The following GSE1 variants were observed in gnomAD, a reference collection of about 807,000 sequenced individuals.
GSE1 encodes the protein Gse1 coiled-coil protein, also known as genetic suppressor element 1.
Under a neutral mutation model 112.6 loss-of-function variants are expected in GSE1, and 32 were observed. The ratio of observed to expected loss-of-function variants is 0.28; its 90% CI spans 0.21 to 0.38. The LOEUF (loss-of-function observed/expected upper bound fraction) is 0.38. Ranked by LOEUF, GSE1 falls within the 10% of genes least tolerant of loss-of-function variation. The probability of loss-of-function intolerance (pLI) is 1.00; values close to 1 mark genes in which losing one functional copy is unlikely to be tolerated. For synonymous variants in GSE1, 1,115 were observed against 735.6 expected (o/e 1.52, Z -8.35); for missense variants, 2,348 against 1,699.2 (o/e 1.38, Z -6.71).
At chr16:85,205,120 T>C (rs1021382241) in intron 1 of GSE1, among the ~76,000 whole-genome samples, 2 of 152,076 alleles carry the variant, frequency 1.3e-5, no homozygotes, top group East Asian at 3.9e-4. Flanking sequence ...CTTTAATTTT[T>C]ATTTATTTAT....
intron 1 of GSE1, among the ~76,000 whole-genome samples, chr16:85,565,450 T>C (rs972626361): frequency 2.0e-5 from 3 of 151,458 alleles, no homozygotes; most frequent in South Asian, 2.1e-4. Flanking sequence ...TGTGCTTGTT[T>C]AACACGTGTA....
chr16:85,520,354 A>G (rs1377038995), intron 2 of GSE1, among the ~76,000 whole-genome samples: 1 of 151,656 alleles, frequency 6.6e-6, no homozygotes. Context: ...GCGGGGACAC[A>G]AACATTTGGA....
At chr16:85,443,279 C>T (rs2049425775) in intron 2 of GSE1, among the ~76,000 whole-genome samples, 1 of 152,196 alleles carries the variant, frequency 6.6e-6, no homozygotes, top group Non-Finnish European at 1.5e-5. Context: ...CCACCCTCTC[C>T]AGGCCCATCT....
intron 1 of GSE1, among the ~76,000 whole-genome samples, chr16:85,602,020 C>T (rs960978038): frequency 6.6e-6 from 1 of 151,872 alleles, no homozygotes; most frequent in Non-Finnish European, 1.5e-5. Flanking sequence ...AGAAGACGGG[C>T]CTGGAGGAAG....
In GSE1 at chr16:85,618,152, C is replaced by T. The variant is rs540079325; in HGVS notation, c.7+4754C>T. ...CGGTTCCTCCAGCTGGAGGACTTGA[C>T]GTGTCTGAGGAGGTGTGTGTAATAG... On this transcript the variant is annotated intron_variant, in intron 1 of 15. Coordinates refer to ENST00000253458, the MANE Select transcript of GSE1 (RefSeq NM_014615.5). 1.7e-4 allele frequency among the ~76,000 whole-genome samples: 26 copies of T among 152,186 alleles called. No homozygotes were observed. The South Asian group carries it at 2.3e-3, about 13-fold the overall frequency.
chr16:85,415,899 T>C (rs1405402327), intron 2 of GSE1, among the ~76,000 whole-genome samples: 1 of 152,206 alleles, frequency 6.6e-6, no homozygotes, highest in Non-Finnish European at 1.5e-5. Context: ...TATCACTTCA[T>C]TGAACTTGTG....
At chr16:85,619,166 G>A (rs538550738) in intron 1 of GSE1, among the ~76,000 whole-genome samples, 35 of 152,090 alleles carry the variant, frequency 2.3e-4, no homozygotes, top group African/African-American at 8.0e-4. Flanking sequence ...ACGTCCCCTC[G>A]GGCTCACATG....
At chr16:85,670,899 T>A in intron 14 of GSE1, 96 bp from the exon 15 acceptor site, 1 of 756,124 alleles carries the variant, frequency 1.3e-6, no homozygotes, top group Non-Finnish European at 2.4e-6. Flanking sequence ...GAGAGAGGTT[T>A]TGGGCTCTGC....
intron 2 of GSE1, among the ~76,000 whole-genome samples, chr16:85,409,626 C>T (rs368712340): frequency 5.9e-4 from 5 of 8,452 alleles, no homozygotes; most frequent in Admixed American, 1.9e-3. Context: ...TAATCCTCAC[C>T]GTTACACTCA....
intron 1 of GSE1, among the ~76,000 whole-genome samples, chr16:85,303,966 G>A (rs1043048779): frequency 6.6e-6 from 1 of 152,212 alleles, no homozygotes; most frequent in East Asian, 1.9e-4. Flanking sequence ...CGAAGACAGC[G>A]GAGACAATGA....
chr16:85,411,480 TG>T (rs1475854379), intron 2 of GSE1, among the ~76,000 whole-genome samples: 1 of 12,114 alleles, frequency 8.3e-5, no homozygotes, highest in Admixed American at 8.3e-4. Flanking sequence ...AGGGCCCCCC[TG>T]GATAATCCTC....
chr16:85,552,365 C>G (rs1266635393), upstream of GSE1, among the ~76,000 whole-genome samples: 3 of 82,566 alleles, frequency 3.6e-5, no homozygotes, highest in Admixed American at 1.5e-4. Context: ...CGGAGTCTCG[C>G]TCTGTGCCCA....
At chr16:85,288,165 G>T (rs926786372) in intron 1 of GSE1, among the ~76,000 whole-genome samples, 3 of 152,104 alleles carry the variant, frequency 2.0e-5, no homozygotes, top group African/African-American at 7.2e-5. Flanking sequence ...GTTTGACCCC[G>T]GGAGGCGGAG....
rs546812855 is a variant in GSE1, at chr16:85,663,748, G to A, written c.2644+134G>A. 3.1e-4 allele frequency: 275 copies of A among 873,816 alleles called. No individual in the cohort carries two copies. The South Asian group carries it at 3.9e-3, about 12-fold the overall frequency. 54.1% of individuals were successfully genotyped at this position (873,816 alleles called of 1,614,324 possible). On this transcript the variant is annotated intron_variant, in intron 11 of 15. Transcript: ENST00000253458. ...CTGAGGCTGCCCCTTTACTCCTCCC[G>A]GCTCCCGGGAACAGCCTCTCTGTTC...
chr16:85,426,586 GTGAA>G (rs978689917), intron 2 of GSE1, among the ~76,000 whole-genome samples: 4 of 149,456 alleles, frequency 2.7e-5, no homozygotes, highest in African/African-American at 5.0e-5. Flanking sequence ...ATGTGGATGG[GTGAA>G]TGAATGGATG....
chr16:85,605,616 C>G (rs2047670798), intron 1 of GSE1, among the ~76,000 whole-genome samples: 1 of 151,844 alleles, frequency 6.6e-6, no homozygotes, highest in Non-Finnish European at 1.5e-5. Context: ...GGAGATTTGC[C>G]CAGTCCGGCA....
chr16:85,430,897 C>A (rs2049103966), intron 2 of GSE1, among the ~76,000 whole-genome samples: 1 of 152,222 alleles, frequency 6.6e-6, no homozygotes, highest in South Asian at 2.1e-4. Flanking sequence ...CAGCGTGAGG[C>A]CTGGGAGCCT....
intron 1 of GSE1, among the ~76,000 whole-genome samples, chr16:85,627,044 C>CTTTTTTTT (rs564272210): frequency 0.021 from 522 of 25,060 alleles, 92 homozygotes; most frequent in African/African-American, 0.044. Context: ...TTCTTCTTGC[C>CTTTTTTTT]TTTTTTTTTT....
chr16:85,342,630 G>A (rs948477150), intron 1 of GSE1, among the ~76,000 whole-genome samples: 3 of 152,152 alleles, frequency 2.0e-5, no homozygotes, highest in Admixed American at 6.5e-5. Context: ...GGTTCAAGGC[G>A]CACCAGGGCG....
Sources: allele counts gnomAD v4.1 joint callset (sites outside exome capture counted in the v4.1 genomes callset), GRCh38; gene constraint gnomAD v4.1.1; transcripts MANE v1.5; gene names NCBI Gene and HGNC (gene_info 2026-07-23, HGNC 2026-07-21).